The following KIF20B variants were observed in gnomAD, a reference collection of about 807,000 sequenced individuals.
KIF20B encodes kinesin family member 20B, also known as kinesin-like protein KIF20B.
Under a neutral mutation model 232.5 loss-of-function variants are expected in KIF20B, and 188 were observed. The observed-to-expected ratio is 0.81, with a 90% confidence interval of 0.72 to 0.91. The LOEUF is 0.91. Ranked by LOEUF, KIF20B falls within the 40% of genes least tolerant of loss-of-function variation. KIF20B has a pLI of 0.00. For missense variants in KIF20B, 2,154 were observed against 2,055.9 expected (o/e 1.05, Z -0.92); for synonymous variants, 712 against 683.0 (o/e 1.04, Z -0.66).
At chr10:89,749,163 A>G (rs931174609) in intron 23 of KIF20B, among the ~76,000 whole-genome samples, 3 of 152,138 alleles carry the variant, frequency 2.0e-5, no homozygotes, top group African/African-American at 7.2e-5. Context: ...TGCCTGATTA[A>G]GATGTCGTTA....
chr10:89,749,318 A>G (rs903335138), intron 23 of KIF20B, among the ~76,000 whole-genome samples: 1 of 152,214 alleles, frequency 6.6e-6, no homozygotes, highest in Non-Finnish European at 1.5e-5. Flanking sequence ...ATTTCTATTT[A>G]TTCACGGAAT....
At chr10:89,714,677 G>A (rs1333630821) in intron 7 of KIF20B, among the ~76,000 whole-genome samples, 2 of 151,980 alleles carry the variant, frequency 1.3e-5, no homozygotes, top group African/African-American at 4.8e-5. Flanking sequence ...TTTTAATATT[G>A]AATTTGAAAG....
rs373228044 is a variant in KIF20B at position 89,722,586 on chromosome 10, G to A, written c.1723-1378G>A. Among the ~76,000 whole-genome samples, 174 of 152,186 alleles carry A rather than the reference G, an allele frequency of 1.1e-3. 1 individual carries two copies. The highest frequency in any genetic ancestry group is 4.0e-3 in the African/African-American group (167 of 41,528). On this transcript the variant is annotated intron_variant, in intron 13 of 32. Transcript: ENST00000371728. ...CGGGAGGTTGAGGCAGGAGAATGGC[G>A]TGAACCTGGGGGGCGGAGGTTGCAG...
At chr10:89,733,160 CTTGAGAAAA>C (rs1315940142) in intron 19 of KIF20B, 104 bp downstream of exon 19, 2 of 1,194,230 alleles carry the variant, frequency 1.7e-6, no homozygotes, top group Admixed American at 4.4e-5. Context: ...AAGGAAAAAT[CTTGAGAAAA>C]TCTAAACGTC....
chr10:89,715,872 TC>T, intron 8 of KIF20B, among the ~76,000 whole-genome samples: 1 of 148,042 alleles, frequency 6.8e-6, no homozygotes, highest in South Asian at 2.1e-4. Context: ...GCATCTGTAG[TC>T]CCAGCTACTC....
chr10:89,710,153 G>T, intron 5 of KIF20B, 88 bp downstream of exon 5: 2 of 1,146,260 alleles, frequency 1.7e-6, no homozygotes, highest in Non-Finnish European at 2.4e-6. Flanking sequence ...TAGTTATGTT[G>T]CTATTACCTA....
intron 31 of KIF20B, among the ~76,000 whole-genome samples, chr10:89,770,588 A>G (rs1274858733): frequency 6.6e-6 from 1 of 151,898 alleles, no homozygotes; most frequent in Non-Finnish European, 1.5e-5. Flanking sequence ...TTCCCTACCA[A>G]TGCACTTGAC....
intron 31 of KIF20B, among the ~76,000 whole-genome samples, chr10:89,769,684 CAT>C (rs34321308): frequency 0.17 from 25,337 of 151,692 alleles, 2,672 homozygotes; most frequent in East Asian, 0.35. Flanking sequence ...GATATATACA[CAT>C]GTGTGCACAT....
At chr10:89,769,403 G>A (rs1474414474) in intron 31 of KIF20B, among the ~76,000 whole-genome samples, 1 of 151,714 alleles carries the variant, frequency 6.6e-6, no homozygotes, top group African/African-American at 2.4e-5. Context: ...GCCGCTAAAA[G>A]CCTAAAACAA....
At chr10:89,721,262 A>G (rs10430646) in intron 13 of KIF20B, among the ~76,000 whole-genome samples, 49,543 of 152,072 alleles carry the variant, frequency 0.33, 9,407 homozygotes, top group African/African-American at 0.52. Flanking sequence ...AACAAGAATG[A>G]TAGCTTCAGA....
chr10:89,744,448 T>A (rs1473664459), intron 22 of KIF20B, among the ~76,000 whole-genome samples: 1 of 152,176 alleles, frequency 6.6e-6, no homozygotes, highest in Admixed American at 6.5e-5. Flanking sequence ...TGGAGTGTAA[T>A]TAATAGTAGT....
chr10:89,743,968 C>T (rs1841859316), intron 22 of KIF20B, 41 bp downstream of exon 22: 5 of 1,529,920 alleles, frequency 3.3e-6, no homozygotes, highest in Non-Finnish European at 4.4e-6. Context: ...AATGCATTCT[C>T]TTGGTATATT....
rs12413968 is a variant in KIF20B at position 89,768,747 on chromosome 10, C to T, written c.5101C>T (p.Arg1701Cys). ...SVKKEQKVAI[R>C]PSSKKTYSLR... ...ATGTTTTGTTTATTAGGTTGCCATACGTCCATCATCTAAGAAAACATATTC... is the reference window on the plus strand; with the variant it reads ...ATGTTTTGTTTATTAGGTTGCCATATGTCCATCATCTAAGAAAACATATTC... Residue 1701 changes from arginine (R) to cysteine (C), a missense_variant, in exon 31 of 33, where the codon CGT becomes TGT. Arg to Cys is a radical substitution (Grantham distance 180). Coordinates refer to ENST00000371728, the MANE Select transcript of KIF20B (RefSeq NM_001284259.2). 1.8e-3 allele frequency: 2,919 copies of T among 1,585,830 alleles called. 99 individuals carry two copies. In the Admixed American group the frequency reaches 0.052, roughly 28 times the overall value.
At chr10:89,735,100 G>GA (rs1166464399) in intron 19 of KIF20B, among the ~76,000 whole-genome samples, 1 of 152,046 alleles carries the variant, frequency 6.6e-6, no homozygotes, top group Admixed American at 6.6e-5. Context: ...CAGTGTTAAA[G>GA]AGAGAACATT....
At chr10:89,739,524 C>T (rs1841746622) in intron 21 of KIF20B, among the ~76,000 whole-genome samples, 1 of 74,926 alleles carries the variant, frequency 1.3e-5, no homozygotes, top group Admixed American at 1.2e-4. Flanking sequence ...CCCACTCCTT[C>T]GAGCTGTCAA....
chr10:89,750,944 G>T (rs780770987), intron 23 of KIF20B, among the ~76,000 whole-genome samples: 11 of 152,082 alleles, frequency 7.2e-5, no homozygotes, highest in Non-Finnish European at 1.6e-4. Context: ...AAAGGTTTTA[G>T]TTTGATTGGA....
intron 25 of KIF20B, among the ~76,000 whole-genome samples, chr10:89,753,167 T>C (rs1842055061): frequency 1.3e-5 from 2 of 152,212 alleles, no homozygotes; most frequent in African/African-American, 4.8e-5. Context: ...GTTTTTTTCT[T>C]GTTCAGCTTT....
intron 24 of KIF20B, 72 bp from the exon 25 acceptor site, chr10:89,752,495 A>G: frequency 9.8e-6 from 11 of 1,118,212 alleles, no homozygotes; most frequent in Non-Finnish European, 1.3e-5. Flanking sequence ...TCTGTAGCCC[A>G]TGTCAAGTGT....
At chr10:89,727,670 A>G (rs1344732615) in intron 16 of KIF20B, among the ~76,000 whole-genome samples, 186 bp from the exon 17 acceptor site, 3 of 151,782 alleles carry the variant, frequency 2.0e-5, no homozygotes, top group Non-Finnish European at 4.4e-5. Context: ...CTGAAACATT[A>G]CCCTGTTGTG....
Sources: gnomAD v4.1 joint callset for allele counts (sites outside exome capture counted in the v4.1 genomes callset) on GRCh38, gnomAD v4.1.1 for gene constraint, MANE v1.5 for transcripts, NCBI Gene and HGNC (gene_info 2026-07-23, HGNC 2026-07-21) for gene names.